NRXN3: variants seen among roughly 807,000 people sequenced by gnomAD.
NRXN3 encodes the protein neurexin 3.
A neutral mutation model predicts 137.6 loss-of-function variants in NRXN3; 32 were observed. The ratio of observed to expected loss-of-function variants is 0.23; its 90% confidence interval spans 0.18 to 0.31. The LOEUF is 0.31. NRXN3 is among the 10% of genes least tolerant of loss of function. NRXN3 has a pLI of 1.00. For synonymous variants in NRXN3, 798 were observed against 784.5 expected, an observed-to-expected ratio of 1.02 and a Z score of -0.29; for missense variants, 1,574 against 2,062.5, an observed-to-expected ratio of 0.76 and a Z score of 4.59.
chr14:79,571,709 A>G (rs940475170), intron 16 of NRXN3, among the ~76,000 whole-genome samples: 1 of 152,184 alleles, frequency 6.6e-6, no homozygotes, highest in African/African-American at 2.4e-5. Flanking sequence ...AAGTTATTGT[A>G]GTAAGTGCAC....
intron 10 of NRXN3, among the ~76,000 whole-genome samples, chr14:78,956,093 A>G (rs2152962400): frequency 6.6e-6 from 1 of 152,266 alleles, no homozygotes; most frequent in South Asian, 2.1e-4. Flanking sequence ...ATCCATAGGG[A>G]TATATTAGCC....
At chr14:78,458,371 G>A (rs2153714535) in intron 4 of NRXN3, among the ~76,000 whole-genome samples, 1 of 152,286 alleles carries the variant, frequency 6.6e-6, no homozygotes, top group Non-Finnish European at 1.5e-5. Flanking sequence ...CTTGAAAAAT[G>A]TGGAATGTGT....
At position 78,759,324 on chromosome 14, in the gene NRXN3, A is replaced by G. The variant is rs375184421; in HGVS notation, c.2044+44185A>G. Among the ~76,000 whole-genome samples the G allele has an allele frequency of 1.9e-3, 284 of 152,348 alleles. 2 individuals are homozygous for G. In the Middle Eastern group the frequency reaches 0.02, roughly 11 times the overall value. ...AGTCAGCTCTGTGAACCAGCCTCTA[A>G]CCAGGTGCATTATATACGATATCTC... On this transcript the variant is annotated intron_variant, in intron 8 of 20. Transcript: ENST00000335750.
intron 8 of NRXN3, among the ~76,000 whole-genome samples, chr14:78,772,141 T>G (rs2098730301): frequency 6.6e-6 from 1 of 152,226 alleles, no homozygotes; most frequent in Admixed American, 6.5e-5. Context: ...TTTTGAATTT[T>G]GTAGCACTTT....
intron 16 of NRXN3, among the ~76,000 whole-genome samples, chr14:79,476,361 C>A (rs1223356603): frequency 6.6e-6 from 1 of 152,048 alleles, no homozygotes; most frequent in African/African-American, 2.4e-5. Context: ...CTGTCATTTC[C>A]TGGCCTGCGA....
chr14:79,191,045 C>T (rs1242422990), intron 15 of NRXN3, among the ~76,000 whole-genome samples: 1 of 152,164 alleles, frequency 6.6e-6, no homozygotes, highest in Non-Finnish European at 1.5e-5. Flanking sequence ...AACTAAAAGC[C>T]AATGGAGATT....
chr14:79,777,333 A>G (rs539095037), intron 19 of NRXN3, among the ~76,000 whole-genome samples: 1 of 152,208 alleles, frequency 6.6e-6, no homozygotes, highest in Non-Finnish European at 1.5e-5. Flanking sequence ...TTTGCTCCAA[A>G]TCATAATACA....
chr14:78,873,114 T>C (rs1187356028), intron 10 of NRXN3, among the ~76,000 whole-genome samples: 5 of 152,222 alleles, frequency 3.3e-5, no homozygotes, highest in African/African-American at 1.2e-4. Context: ...TCTCTAACTT[T>C]ATAGGGTTCT....
intron 16 of NRXN3, among the ~76,000 whole-genome samples, chr14:79,566,917 T>C (rs1322842420): frequency 6.6e-6 from 1 of 152,158 alleles, no homozygotes; most frequent in Admixed American, 6.6e-5. Context: ...GGGAAATACA[T>C]GTTTACCTTG....
At chr14:79,082,371 C>A (rs2047205993) in intron 15 of NRXN3, among the ~76,000 whole-genome samples, 1 of 142,742 alleles carries the variant, frequency 7.0e-6, no homozygotes, top group Non-Finnish European at 1.5e-5. Flanking sequence ...ATTTGCCAAA[C>A]TCCTGTGTAT....
At chr14:79,715,893 T>C (rs2098822096) in intron 19 of NRXN3, among the ~76,000 whole-genome samples, 1 of 152,240 alleles carries the variant, frequency 6.6e-6, no homozygotes, top group African/African-American at 2.4e-5. Context: ...TAGCCTATGC[T>C]GAGGCCCTGC....
At chr14:78,715,621 G>A (rs948014187) in intron 8 of NRXN3, among the ~76,000 whole-genome samples, 8 of 152,170 alleles carry the variant, frequency 5.3e-5, no homozygotes, top group Admixed American at 1.3e-4. Flanking sequence ...AACATGGTGA[G>A]TTTTATAAGA....
intron 14 of NRXN3, among the ~76,000 whole-genome samples, chr14:78,973,986 C>G (rs1447783378): frequency 6.6e-6 from 1 of 152,168 alleles, no homozygotes; most frequent in African/African-American, 2.4e-5. Flanking sequence ...AATGAAGACT[C>G]TGTCACTATT....
chr14:79,799,006 G>A (rs899817489), intron 19 of NRXN3, among the ~76,000 whole-genome samples: 2 of 152,114 alleles, frequency 1.3e-5, no homozygotes, highest in African/African-American at 2.4e-5. Flanking sequence ...TTACTTGGGT[G>A]GACAGAGTTC....
chr14:78,383,086 G>A (rs2089407646), intron 4 of NRXN3, among the ~76,000 whole-genome samples: 1 of 152,174 alleles, frequency 6.6e-6, no homozygotes, highest in Non-Finnish European at 1.5e-5. Flanking sequence ...AGTAAAGAAT[G>A]CCACTTGCCA....
At chr14:79,447,298 A>AC (rs2096076907) in intron 15 of NRXN3, among the ~76,000 whole-genome samples, 2 of 152,230 alleles carry the variant, frequency 1.3e-5, no homozygotes, top group African/African-American at 4.8e-5. Context: ...TTTTCTGAAA[A>AC]GACAGAGTAT....
At chr14:78,787,721 G>T (rs1162758630) in intron 8 of NRXN3, among the ~76,000 whole-genome samples, 3 of 152,170 alleles carry the variant, frequency 2.0e-5, no homozygotes, top group African/African-American at 2.4e-5. Flanking sequence ...TGCTGTTCAA[G>T]ATGAAAAGCA....
At position 78,874,296 on chromosome 14, in the gene NRXN3, A is replaced by T. The variant is rs574669098; in HGVS notation, c.2275+63952A>T. 3.3e-5 allele frequency among the ~76,000 whole-genome samples: 5 copies of T among 152,230 alleles called. No individual in the cohort carries two copies. The South Asian group carries it at 1.0e-3, about 32-fold the overall frequency. On this transcript the variant is annotated intron_variant, in intron 10 of 20. Coordinates refer to ENST00000335750, the MANE Select transcript of NRXN3 (RefSeq NM_001330195.2). ...ATGAAGTGATTTTCAAACATAGTTG[A>T]TCATAAGAACCTTGAAGGGGATTAT...
At chr14:78,494,662 A>C (rs1187272984) in intron 4 of NRXN3, among the ~76,000 whole-genome samples, 1 of 152,124 alleles carries the variant, frequency 6.6e-6, no homozygotes, top group Non-Finnish European at 1.5e-5. Context: ...CCAGCCCAAA[A>C]AAATATGTGA....
Sources: allele counts gnomAD v4.1 joint callset (sites outside exome capture counted in the v4.1 genomes callset), GRCh38; gene constraint gnomAD v4.1.1; transcripts MANE v1.5; gene names NCBI Gene and HGNC (gene_info 2026-07-23, HGNC 2026-07-21).